The following LINGO1 variants were observed in gnomAD, a reference collection of about 807,000 sequenced individuals.
LINGO1 encodes the protein leucine rich repeat and Ig domain containing 1, also known as leucine-rich repeat and immunoglobulin-like domain-containing nogo receptor-interacting protein 1.
Under a neutral mutation model 37.3 loss-of-function variants are expected in LINGO1, and 11 were observed. That is an observed-to-expected ratio of 0.29 (90% CI 0.19 to 0.49). The LOEUF is 0.49. LINGO1 is among the 20% of genes least tolerant of loss of function. LINGO1 has a pLI of 0.99. For synonymous variants in LINGO1, 387 were observed against 403.0 expected (o/e 0.96, Z 0.48); for missense variants, 585 against 878.2 (o/e 0.67, Z 4.22).
At chr15:77,751,012 C>T (rs1220241278) in intron 1 of LINGO1, among the ~76,000 whole-genome samples, 4 of 152,096 alleles carry the variant, frequency 2.6e-5, no homozygotes, top group African/African-American at 9.7e-5. Context: ...ACAAGGGCAG[C>T]GTGGAGGGTA....
intron 1 of LINGO1, among the ~76,000 whole-genome samples, chr15:77,769,513 T>C (rs1816773610): frequency 6.6e-6 from 1 of 152,116 alleles, no homozygotes; most frequent in South Asian, 2.1e-4. Flanking sequence ...CACGTTCCCA[T>C]GGGAGGAGCT....
At chr15:77,716,298 T>TTTTTA (rs1414009888) in intron 2 of LINGO1, among the ~76,000 whole-genome samples, 2 of 145,068 alleles carry the variant, frequency 1.4e-5, no homozygotes, top group African/African-American at 5.0e-5. Flanking sequence ...TTTTTTTTTT[T>TTTTTA]GAGACAGGGT....
chr15:77,719,006 G>T (rs1410416919), intron 2 of LINGO1, among the ~76,000 whole-genome samples: 1 of 150,626 alleles, frequency 6.6e-6, no homozygotes, highest in African/African-American at 2.4e-5. Flanking sequence ...GTCTGGGGCA[G>T]AGTGTGGACC....
intron 1 of LINGO1, chr15:77,695,937 G>A (rs1435099597): frequency 6.6e-6 from 1 of 151,544 alleles, no homozygotes; most frequent in East Asian, 1.9e-4. Flanking sequence ...AACTGGCAAG[G>A]GAGGAGGAGG....
chr15:77,748,953 G>A (rs985625116), intron 1 of LINGO1, among the ~76,000 whole-genome samples: 2 of 135,812 alleles, frequency 1.5e-5, no homozygotes, highest in African/African-American at 5.6e-5. Context: ...TGTCTCCCAG[G>A]CTGGAGTGCA....
At chr15:77,672,062 C>A (rs1414620674) in intron 3 of LINGO1, among the ~76,000 whole-genome samples, 1 of 150,802 alleles carries the variant, frequency 6.6e-6, no homozygotes, top group East Asian at 1.9e-4. Context: ...GGTACAGGAA[C>A]ACAGCAGGTG....
Position 77,614,684 on chromosome 15 carries a change from T to C in LINGO1, c.1223A>G (p.Lys408Arg), listed in dbSNP as rs749109799. Residue 408 changes from lysine (K) to arginine (R), a missense_variant, in exon 2 of 2, where the codon AAG becomes AGG. By Grantham distance (26) the Lys-to-Arg change is conservative (BLOSUM62 2). Coordinates refer to ENST00000355300, the MANE Select transcript of LINGO1 (RefSeq NM_032808.7). Reference sequence around the variant, plus strand: ...GGGCAGTAGCACATCAGGGAAGTCCTTGAACTCCTTGCCCTGGACAAACTC... The same window carrying C: ...GGGCAGTAGCACATCAGGGAAGTCCCTGAACTCCTTGCCCTGGACAAACTC... ...TPEFVQGKEF[K>R]DFPDVLLPNY... 4 of 1,611,592 alleles carry C rather than the reference T, an allele frequency of 2.5e-6. No homozygotes were observed. The highest frequency in any genetic ancestry group is 2.7e-5 in the African/African-American group (2 of 74,908).
chr15:77,792,970 G>GGA (rs2076829961), intron 2 of LINGO1, among the ~76,000 whole-genome samples: 1 of 152,194 alleles, frequency 6.6e-6, no homozygotes, highest in Non-Finnish European at 1.5e-5. Context: ...GTGGCACTAG[G>GGA]GAGAGGCCAT....
rs1234971554 is a variant in LINGO1 at position 77,613,282 on chromosome 15, AG to A, written c.*761del. On this transcript the variant is annotated 3_prime_UTR_variant, in exon 2 of 2. Coordinates refer to ENST00000355300, the MANE Select transcript of LINGO1 (RefSeq NM_032808.7). ...TCCACTGACTGTGCTGTCCCCCAGGAGGACCCCAGCCTCTGTCCAGAGTCTC... is the reference window on the plus strand; with the variant it reads ...TCCACTGACTGTGCTGTCCCCCAGGAGACCCCAGCCTCTGTCCAGAGTCTC... The A allele has an allele frequency of 1.2e-4, 19 of 152,388 alleles. No individual in the cohort carries two copies. The highest frequency in any genetic ancestry group is 4.6e-4 in the African/African-American group (19 of 41,578). 9.4% of individuals were successfully genotyped at this position (152,388 alleles called of 1,614,324 possible).
chr15:77,744,429 G>C (rs1291374298), intron 1 of LINGO1, among the ~76,000 whole-genome samples: 3 of 152,156 alleles, frequency 2.0e-5, no homozygotes, highest in African/African-American at 7.2e-5. Context: ...AGCTACTCGG[G>C]AGGCTGAGGT....
upstream of LINGO1, among the ~76,000 whole-genome samples, chr15:77,637,550 G>A (rs116999595): frequency 3.5e-4 from 53 of 152,276 alleles, no homozygotes; most frequent in East Asian, 8.1e-3. This position sits in a 1 kb window ranked among gnomAD's most constrained non-coding sequence, Gnocchi z 4.6. Flanking sequence ...TCGGTTTCAC[G>A]GGGTGGTGTG....
intron 1 of LINGO1, among the ~76,000 whole-genome samples, chr15:77,623,275 G>A (rs1301331234): frequency 6.6e-6 from 1 of 152,184 alleles, no homozygotes; most frequent in Non-Finnish European, 1.5e-5. Context: ...GGAACAGTGA[G>A]AGCAAAGGTG....
upstream of LINGO1, among the ~76,000 whole-genome samples, chr15:77,637,594 AC>A (rs1396252090): frequency 1.1e-4 from 16 of 152,144 alleles, no homozygotes; most frequent in African/African-American, 3.1e-4. This position sits in a 1 kb window ranked among gnomAD's most constrained non-coding sequence, Gnocchi z 4.6. Context: ...GCTGGTATCT[AC>A]CTGATGCTGA....
chr15:77,670,418 C>T (rs998220489), intron 3 of LINGO1, among the ~76,000 whole-genome samples: 18 of 152,224 alleles, frequency 1.2e-4, no homozygotes, highest in Admixed American at 3.3e-4. Flanking sequence ...AGCCACATGT[C>T]TGTCTGCAGC....
intron 1 of LINGO1, among the ~76,000 whole-genome samples, chr15:77,781,857 C>T (rs1290709185): frequency 6.6e-6 from 1 of 152,216 alleles, no homozygotes; most frequent in Non-Finnish European, 1.5e-5. Flanking sequence ...CTCAGGGCCC[C>T]CGGCCAGAGC....
chr15:77,632,218 C>G lies in LINGO1; in HGVS notation c.6+92G>C. 7.9e-7 allele frequency: 1 copy of G among 1,261,422 alleles called. No individual in the cohort carries two copies. The highest frequency in any genetic ancestry group is 3.2e-5 in the East Asian group (1 of 31,350). The allele number at this position is 1,261,422 out of a possible 1,614,324, so 78.1% of individuals were successfully genotyped here. A position where few individuals can be genotyped will look rare whatever the true frequency, so the allele number is the denominator to read the frequency against. On this transcript the variant is annotated intron_variant, in intron 1 of 1. Transcript: ENST00000355300. The surrounding 1 kb of genome is among the most constrained non-coding windows in gnomAD (Gnocchi z 6.0). ...GGTGGCACCGAGGTGCCCTGCAACC[C>G]CAGGAGGGCGCAGCCAGGGCCGATG... is the stretch of plus-strand genomic sequence containing the variant.
At chr15:77,629,940 GAGA>G (rs1273005563) in intron 1 of LINGO1, among the ~76,000 whole-genome samples, 1 of 152,166 alleles carries the variant, frequency 6.6e-6, no homozygotes, top group East Asian at 1.9e-4. Context: ...AGGGGGTCAG[GAGA>G]AGGAGAGGAA....
intron 2 of LINGO1, among the ~76,000 whole-genome samples, chr15:77,687,572 G>C (rs984329267): frequency 2.0e-5 from 3 of 152,192 alleles, no homozygotes; most frequent in Non-Finnish European, 2.9e-5. Context: ...GAAGTGGCTC[G>C]AGCAGGGAAG....
intron 1 of LINGO1, among the ~76,000 whole-genome samples, chr15:77,760,787 C>T (rs905722440): frequency 6.6e-5 from 10 of 152,118 alleles, no homozygotes; most frequent in African/African-American, 2.4e-4. Flanking sequence ...GTGAGTACAT[C>T]CTGGGTGCTG....
Sources: gnomAD v4.1 joint callset for allele counts (sites outside exome capture counted in the v4.1 genomes callset) on GRCh38, gnomAD v4.1.1 for gene constraint, Gnocchi (gnomAD v3.1) non-coding constraint, MANE v1.5 for transcripts, NCBI Gene and HGNC (gene_info 2026-07-23, HGNC 2026-07-21) for gene names.